The following CRLF3 variants were observed in gnomAD, a reference collection of about 807,000 sequenced individuals.
CRLF3 encodes the protein cytokine receptor-like factor 3.
Under a neutral mutation model 55.0 loss-of-function variants are expected in CRLF3, and 33 were observed. The ratio of observed to expected loss-of-function variants is 0.60; its 90% CI spans 0.46 to 0.80. The LOEUF is 0.80. Ranked by LOEUF, CRLF3 falls within the 30% of genes least tolerant of loss-of-function variation. The pLI, the probability that CRLF3 is intolerant of heterozygous loss-of-function variation, is 0.00. For synonymous variants in CRLF3, 238 were observed against 196.8 expected (o/e 1.21, Z -1.75); for missense variants, 494 against 538.4 (o/e 0.92, Z 0.82).
Position 30,792,511 on chromosome 17 carries a change from G to A in CRLF3, c.888C>T (p.Asn296=), listed in dbSNP as rs376514188. The change falls in exon 6 of 8, where the codon AAC becomes AAT. Residue 296 remains asparagine, a synonymous_variant. Transcript: ENST00000324238. ...AGAGAACACCCGATGATTCAGAATC[G>A]TTCCGAAGTGCTATATTTCTTCGAC... is the stretch of plus-strand genomic sequence containing the variant. ...LSSRRNIALR[N]DSESSGVLYS... 4.2e-5 allele frequency: 68 copies of A among 1,612,886 alleles called. No homozygotes were observed. In the South Asian group the frequency reaches 5.9e-4, roughly 14 times the overall value.
chr17:30,796,637 T>C (rs1001116809), intron 3 of CRLF3, among the ~76,000 whole-genome samples: 4 of 152,244 alleles, frequency 2.6e-5, no homozygotes, highest in Non-Finnish European at 5.9e-5. Flanking sequence ...CTTTTATATA[T>C]TGGATTGAAA....
intron 2 of CRLF3, among the ~76,000 whole-genome samples, chr17:30,799,002 A>C (rs1278001628): frequency 6.6e-6 from 1 of 152,082 alleles, no homozygotes; most frequent in Non-Finnish European, 1.5e-5. Context: ...GGCCAGGCAC[A>C]GTGGCTCACG....
intron 1 of CRLF3, among the ~76,000 whole-genome samples, chr17:30,808,661 C>T (rs1210464532): frequency 1.3e-5 from 2 of 148,734 alleles, no homozygotes; most frequent in Non-Finnish European, 1.5e-5. Context: ...GGCGCCAACT[C>T]GGCTCACTGC....
At chr17:30,797,250 G>GA in intron 3 of CRLF3, 61 bp downstream of exon 3, 1 of 1,166,888 alleles carries the variant, frequency 8.6e-7, no homozygotes, top group Non-Finnish European at 1.3e-6. Context: ...ACAGAGGGAG[G>GA]AAAAAAGCAG....
intron 6 of CRLF3, among the ~76,000 whole-genome samples, chr17:30,788,510 G>GT (rs1166346909): frequency 6.6e-6 from 1 of 150,592 alleles, no homozygotes; most frequent in African/African-American, 2.4e-5. Flanking sequence ...AATCCAGCCA[G>GT]TATCACAGGT....
chr17:30,821,409 A>G (rs1281803816), intron 1 of CRLF3, among the ~76,000 whole-genome samples: 1 of 152,156 alleles, frequency 6.6e-6, no homozygotes, highest in Non-Finnish European at 1.5e-5. Context: ...ACAAAAAGTT[A>G]CCATGTGATC....
intron 1 of CRLF3, among the ~76,000 whole-genome samples, chr17:30,811,194 C>A (rs1567667046): frequency 6.6e-6 from 1 of 151,842 alleles, no homozygotes; most frequent in Admixed American, 6.6e-5. Flanking sequence ...GTGGCTTACG[C>A]CTGTAATCCT....
chr17:30,784,119 A>G lies in CRLF3; in HGVS notation c.*68T>C, dbSNP rs1971575469. 4.2e-6 allele frequency: 6 copies of G among 1,424,814 alleles called. No individual in the cohort carries two copies. The highest frequency in any genetic ancestry group is 4.7e-5 in the Admixed American group (2 of 42,714). 88.3% of individuals were successfully genotyped at this position (1,424,814 alleles called of 1,614,324 possible). A position where few individuals can be genotyped will look rare whatever the true frequency, so the allele number is the denominator to read the frequency against. ...TGAATTCAACTTTTTTTTTAAAGCAATTACAACTACGCTGGGCTGAGGACA... is the reference window on the plus strand; with the variant it reads ...TGAATTCAACTTTTTTTTTAAAGCAGTTACAACTACGCTGGGCTGAGGACA... On this transcript the variant is annotated 3_prime_UTR_variant, in exon 8 of 8. Transcript: ENST00000324238.
chr17:30,784,894 T>A (rs2142237762), intron 7 of CRLF3: 1 of 158,502 alleles, frequency 6.3e-6, no homozygotes, highest in East Asian at 1.9e-4. Context: ...GGATTACAGG[T>A]ATGTACCACC....
chr17:30,792,410 G>T, intron 6 of CRLF3, 30 bp downstream of exon 6: 1 of 1,589,184 alleles, frequency 6.3e-7, no homozygotes, highest in Non-Finnish European at 8.6e-7. Context: ...TGCTTCCTGA[G>T]GCAGGTGAGA....
chr17:30,797,320 T>C lies in CRLF3; in HGVS notation c.416A>G (p.Gln139Arg), dbSNP rs1242883866. 1 of 1,612,518 alleles carries C rather than the reference T, an allele frequency of 6.2e-7. No homozygotes were observed. The highest frequency in any genetic ancestry group is 8.5e-7 in the Non-Finnish European group (1 of 1,178,530). ...GCACAAACTCTTTTACCTGTCCAAC[T>C]GAATGTGCGAGGCCTTTTTGGTAAA... is the stretch of plus-strand genomic sequence containing the variant. ...WSFTKKASHI[Q>R]LDSLPEVPLL... Residue 139 changes from glutamine to arginine, a missense_variant, in exon 3 of 8, where the codon CAG becomes CGG. Coordinates refer to ENST00000324238, the MANE Select transcript of CRLF3 (RefSeq NM_015986.4).
At chr17:30,808,508 G>A (rs574908100) in intron 1 of CRLF3, among the ~76,000 whole-genome samples, 14 of 151,862 alleles carry the variant, frequency 9.2e-5, no homozygotes, top group South Asian at 8.3e-4. Context: ...GGCTGGTCTC[G>A]AACTCCTGAC....
intron 6 of CRLF3, among the ~76,000 whole-genome samples, chr17:30,788,097 G>A (rs1467417354): frequency 6.6e-6 from 1 of 152,076 alleles, no homozygotes; most frequent in Non-Finnish European, 1.5e-5. Flanking sequence ...GGGAGGCCGA[G>A]GTGGGCGGAT....
rs763849169 is a variant in CRLF3, at chr17:30,784,340, G to T, written c.1176C>A (p.Thr392=). 1 of 1,614,068 alleles carries T rather than the reference G, an allele frequency of 6.2e-7. No homozygotes were observed. The highest frequency in any genetic ancestry group is 8.5e-7 in the Non-Finnish European group (1 of 1,179,976). Reference sequence around the variant, plus strand: ...TGAAGTGTCCACCTTCATTATTACTGGTGGTTCCTAGAGTCACGGCTTCAA... The same window carrying T: ...TGAAGTGTCCACCTTCATTATTACTTGTGGTTCCTAGAGTCACGGCTTCAA... ...FDIEAVTLGT[T]SNNEGGHFKL... is the part of the protein sequence containing the mutation. Residue 392 remains threonine (T), a synonymous_variant, in exon 8 of 8, where the codon ACC becomes ACA. Transcript: ENST00000324238.
chr17:30,790,932 T>C (rs1302219935), intron 6 of CRLF3: 1 of 151,702 alleles, frequency 6.6e-6, no homozygotes, highest in African/African-American at 2.4e-5. Flanking sequence ...TTTTTTCTTT[T>C]TTTTGAGACG....
At chr17:30,824,005 T>C (rs1905066441) in intron 1 of CRLF3, among the ~76,000 whole-genome samples, 1 of 152,152 alleles carries the variant, frequency 6.6e-6, no homozygotes, top group Non-Finnish European at 1.5e-5. Context: ...ACCGCATTTA[T>C]TGTCAAATGC....
At chr17:30,798,501 T>G (rs1971958116) in intron 2 of CRLF3, among the ~76,000 whole-genome samples, 1 of 152,124 alleles carries the variant, frequency 6.6e-6, no homozygotes, top group Admixed American at 6.6e-5. Context: ...CTGTAGTTAC[T>G]CAAGTTTTTT....
intron 6 of CRLF3, among the ~76,000 whole-genome samples, chr17:30,789,972 A>C (rs1971751886): frequency 6.6e-6 from 1 of 152,120 alleles, no homozygotes; most frequent in Non-Finnish European, 1.5e-5. Context: ...GGAATAGTTA[A>C]ATAGATTTTA....
intron 1 of CRLF3, among the ~76,000 whole-genome samples, chr17:30,821,023 C>A (rs1175346859): frequency 6.6e-6 from 1 of 151,352 alleles, no homozygotes; most frequent in Non-Finnish European, 1.5e-5. Context: ...CCACTGCACT[C>A]CAGCTTGGGT....
Sources: gnomAD v4.1 joint callset for allele counts (sites outside exome capture counted in the v4.1 genomes callset) on GRCh38, gnomAD v4.1.1 for gene constraint, MANE v1.5 for transcripts, NCBI Gene and HGNC (gene_info 2026-07-23, HGNC 2026-07-21) for gene names.